Variants in XKR6 observed in about 807,000 individuals in gnomAD.
XKR6 encodes XK related 6.
XKR6 carries 22 observed loss-of-function variants against 56.7 expected under a neutral mutation model. That is an observed-to-expected ratio of 0.39 (90% CI 0.28 to 0.55). XKR6 has a LOEUF of 0.55. Ranked by LOEUF, XKR6 falls within the 20% of genes least tolerant of loss-of-function variation. The pLI is 0.66. For synonymous variants in XKR6, 524 were observed against 387.8 expected, an observed-to-expected ratio of 1.35 and a Z score of -4.13; for missense variants, 852 against 889.0, an observed-to-expected ratio of 0.96 and a Z score of 0.53.
At chr8:10,938,284 G>A (rs980166125) in intron 1 of XKR6, among the ~76,000 whole-genome samples, 23 of 152,238 alleles carry the variant, frequency 1.5e-4, no homozygotes, top group Admixed American at 5.2e-4. Flanking sequence ...GCACCCACTG[G>A]CCTGCGCCCA....
intron 1 of XKR6, among the ~76,000 whole-genome samples, chr8:11,034,179 A>G (rs544483296): frequency 1.3e-5 from 2 of 152,358 alleles, no homozygotes; most frequent in South Asian, 4.1e-4. Context: ...TGAGTGCCAG[A>G]CAAGGGGAAG....
chr8:11,201,482 A>C lies in XKR6; in HGVS notation c.-143T>G. The C allele has an allele frequency of 1.8e-6, 1 of 555,306 alleles. No individual in the cohort carries two copies. Among genetic ancestry groups the C allele is most frequent in the South Asian group, 2.1e-5 (1 of 46,746 alleles). 34.4% of individuals were successfully genotyped at this position (555,306 alleles called of 1,614,324 possible). ...CGGGGGAGCAAACGAACGAGGGGGG[A>C]GTGGGCCAGGGAACCCCCTCCGCTT... On this transcript the variant is annotated 5_prime_UTR_variant, in exon 1 of 3. Transcript: ENST00000416569.
intron 1 of XKR6, among the ~76,000 whole-genome samples, chr8:11,087,130 A>G (rs1797916773): frequency 1.3e-5 from 2 of 152,172 alleles, no homozygotes; most frequent in African/African-American, 4.8e-5. Flanking sequence ...ACACTCTACA[A>G]GTCTTCCTCT....
chr8:10,913,912 A>G (rs1260085715), intron 2 of XKR6, among the ~76,000 whole-genome samples: 1 of 152,174 alleles, frequency 6.6e-6, no homozygotes, highest in African/African-American at 2.4e-5. Flanking sequence ...CCCCATGATT[A>G]TGTTGCAGAT....
chr8:11,002,291 C>A, intron 1 of XKR6: 1 of 200,014 alleles, frequency 5.0e-6, no homozygotes. Context: ...CTGTGTTCAT[C>A]TTTAATCAGA....
chr8:11,020,721 C>T (rs537337719), intron 1 of XKR6, among the ~76,000 whole-genome samples: 33 of 152,310 alleles, frequency 2.2e-4, no homozygotes, highest in East Asian at 5.8e-4. Context: ...TGAACTCTTA[C>T]GCCTTTTTCC....
At chr8:11,163,808 T>G (rs1484830589) in intron 1 of XKR6, among the ~76,000 whole-genome samples, 2 of 152,040 alleles carry the variant, frequency 1.3e-5, no homozygotes, top group Admixed American at 6.5e-5. Context: ...GCAAAGAGAG[T>G]AGAGTAGCTT....
intron 1 of XKR6, among the ~76,000 whole-genome samples, chr8:10,929,308 C>A (rs1261934955): frequency 6.6e-6 from 1 of 152,222 alleles, no homozygotes; most frequent in African/African-American, 2.4e-5. Flanking sequence ...TGCAATATTA[C>A]CTACTAATTA....
At chr8:10,919,383 G>A (rs1211648061) in intron 2 of XKR6, among the ~76,000 whole-genome samples, 2 of 152,126 alleles carry the variant, frequency 1.3e-5, no homozygotes, top group East Asian at 1.9e-4. Context: ...TAACCATCAC[G>A]CGTTGTCTAA....
chr8:11,174,043 T>TC (rs1233386034), intron 1 of XKR6, among the ~76,000 whole-genome samples: 1 of 152,236 alleles, frequency 6.6e-6, no homozygotes, highest in African/African-American at 2.4e-5. Flanking sequence ...ATCATGTATT[T>TC]CCTTTGTACA....
At chr8:11,036,241 C>T (rs1031611115) in intron 1 of XKR6, among the ~76,000 whole-genome samples, 2 of 152,204 alleles carry the variant, frequency 1.3e-5, no homozygotes, top group African/African-American at 2.4e-5. Flanking sequence ...AGCCATCACA[C>T]CCAGCCTGGA....
At chr8:11,042,266 T>G (rs926312456) in intron 1 of XKR6, among the ~76,000 whole-genome samples, 1 of 152,064 alleles carries the variant, frequency 6.6e-6, no homozygotes, top group African/African-American at 2.4e-5. Context: ...ATATTTGCAT[T>G]ATACTAGTTG....
intron 1 of XKR6, among the ~76,000 whole-genome samples, chr8:11,052,692 T>C (rs1227599728): frequency 6.6e-6 from 1 of 151,792 alleles, no homozygotes; most frequent in Non-Finnish European, 1.5e-5. Context: ...GCTGGTGTCC[T>C]CTCCTCTCTT....
intron 2 of XKR6, among the ~76,000 whole-genome samples, chr8:10,919,099 G>T (rs559628574): frequency 2.6e-4 from 39 of 152,232 alleles, no homozygotes; most frequent in African/African-American, 8.2e-4. Flanking sequence ...CCCAATTGGG[G>T]CCCTGCCTTT....
At chr8:11,179,596 G>A (rs1312254281) in intron 1 of XKR6, among the ~76,000 whole-genome samples, 1 of 152,112 alleles carries the variant, frequency 6.6e-6, no homozygotes, top group African/African-American at 2.4e-5. Context: ...CCCTTCAACA[G>A]AAGCCCAACT....
chr8:10,943,401 G>A (rs1382286743), intron 1 of XKR6, among the ~76,000 whole-genome samples: 2 of 151,998 alleles, frequency 1.3e-5, no homozygotes, highest in Non-Finnish European at 2.9e-5. Context: ...GGTTGACTCC[G>A]ACCTGCCTTC....
intron 1 of XKR6, among the ~76,000 whole-genome samples, chr8:11,023,900 A>G (rs1489801508): frequency 3.3e-5 from 5 of 152,168 alleles, no homozygotes; most frequent in African/African-American, 1.2e-4. Context: ...AAGACTCCGG[A>G]ATGAGGAACA....
At chr8:11,170,381 G>T (rs1048403656) in intron 1 of XKR6, among the ~76,000 whole-genome samples, 6 of 152,188 alleles carry the variant, frequency 3.9e-5, no homozygotes, top group African/African-American at 1.4e-4. Context: ...AAAAAGGAGT[G>T]AAGTATTGAT....
intron 1 of XKR6, among the ~76,000 whole-genome samples, chr8:11,164,877 T>C (rs1801992440): frequency 6.6e-6 from 1 of 152,198 alleles, no homozygotes; most frequent in Non-Finnish European, 1.5e-5. Context: ...ACAATGGCAC[T>C]AAAGCTTTGC....
Sources: gnomAD v4.1 joint callset for allele counts (sites outside exome capture counted in the v4.1 genomes callset) on GRCh38, gnomAD v4.1.1 for gene constraint, MANE v1.5 for transcripts, NCBI Gene and HGNC (gene_info 2026-07-23, HGNC 2026-07-21) for gene names.